The following ABAT variants were observed in gnomAD, a reference collection of about 807,000 sequenced individuals.
The protein encoded by ABAT is 4-aminobutyrate aminotransferase, mitochondrial.
A neutral mutation model predicts 64.6 loss-of-function variants in ABAT; 45 were observed. The ratio of observed to expected loss-of-function variants is 0.70; its 90% CI spans 0.55 to 0.89. The LOEUF (loss-of-function observed/expected upper bound fraction) is 0.89. Among genes scored for constraint, ABAT ranks in the 40% least tolerant of loss-of-function variants. The pLI is 0.00. For synonymous variants in ABAT, 297 were observed against 250.5 expected (o/e 1.19, Z -1.75); for missense variants, 633 against 658.4 (o/e 0.96, Z 0.42).
chr16:8,758,651 G>A (rs1299247668), intron 6 of ABAT, among the ~76,000 whole-genome samples: 1 of 152,170 alleles, frequency 6.6e-6, no homozygotes, highest in Non-Finnish European at 1.5e-5. Flanking sequence ...CTAAATGCCA[G>A]TAGCAACTCT....
chr16:8,711,148 A>G (rs967762909), intron 1 of ABAT, among the ~76,000 whole-genome samples: 6 of 152,186 alleles, frequency 3.9e-5, no homozygotes, highest in Non-Finnish European at 7.3e-5. Flanking sequence ...ACAGATTTTG[A>G]CAAATTGCTC....
intron 11 of ABAT, among the ~76,000 whole-genome samples, chr16:8,769,245 ACT>A (rs1013102875): frequency 3.3e-5 from 5 of 152,110 alleles, no homozygotes; most frequent in African/African-American, 4.8e-5. Flanking sequence ...AGAGTCAATG[ACT>A]CTAAAATAAG....
chr16:8,774,826 G>A (rs2142996647), intron 12 of ABAT, 64 bp from the exon 13 acceptor site: 1 of 1,601,882 alleles, frequency 6.2e-7, no homozygotes. Context: ...GCTGGCTATG[G>A]AGGGCATGAA....
intron 2 of ABAT, among the ~76,000 whole-genome samples, chr16:8,741,151 G>C (rs1302049895): frequency 6.6e-6 from 1 of 152,224 alleles, no homozygotes; most frequent in Non-Finnish European, 1.5e-5. Context: ...TATTGTGTCT[G>C]GTCTTGTGTG....
chr16:8,722,737 C>G lies in ABAT; in HGVS notation c.-41-12962C>G, dbSNP rs13338551. The G allele has an allele frequency of 1.5e-4, 170 of 1,123,274 alleles. No individual in the cohort carries two copies. The African/African-American group carries it at 2.5e-3, about 16-fold the overall frequency. The allele number at this position is 1,123,274 out of a possible 1,614,324, so 69.6% of individuals were successfully genotyped here. A position where few individuals can be genotyped will look rare whatever the true frequency, so the allele number is the denominator to read the frequency against. On this transcript the variant is annotated intron_variant, in intron 1 of 15. Coordinates refer to ENST00000268251, the MANE Select transcript of ABAT (RefSeq NM_020686.6). Reference sequence around the variant, plus strand: ...GCTCTGAAAGCACCTCCCTTCTAACCAGGAATCCTTCACCTGCTTCTTTCC... The same window carrying G: ...GCTCTGAAAGCACCTCCCTTCTAACGAGGAATCCTTCACCTGCTTCTTTCC...
chr16:8,773,726 G>A (rs2060188938), intron 12 of ABAT, among the ~76,000 whole-genome samples: 1 of 152,046 alleles, frequency 6.6e-6, no homozygotes, highest in Admixed American at 6.6e-5. Flanking sequence ...AGCCTTGCCA[G>A]CCTCTGATAG....
At chr16:8,739,472 C>A (rs1378050917) in intron 2 of ABAT, among the ~76,000 whole-genome samples, 2 of 152,188 alleles carry the variant, frequency 1.3e-5, no homozygotes, top group South Asian at 2.1e-4. Flanking sequence ...AATACCAACA[C>A]TTTGGGAGGC....
At position 8,768,173 on chromosome 16, in the gene ABAT, C is replaced by T. The variant is rs1240320477; in HGVS notation, c.604-20C>T. The T allele has an allele frequency of 1.9e-6, 3 of 1,612,490 alleles. No homozygotes were observed. The highest frequency in any genetic ancestry group is 2.2e-5 in the South Asian group (2 of 91,052). ...CCATCCTTACAACTATGACTAATGA[C>T]TGATATTTCTTGGTTTTAGGCCCCT... On this transcript the variant is annotated intron_variant, in intron 9 of 15. Coordinates refer to ENST00000268251, the MANE Select transcript of ABAT (RefSeq NM_020686.6).
chr16:8,680,140 C>T (rs2057298283), intron 1 of ABAT, among the ~76,000 whole-genome samples: 1 of 152,154 alleles, frequency 6.6e-6, no homozygotes, highest in Non-Finnish European at 1.5e-5. Flanking sequence ...CTCCTGTCAT[C>T]CACATCCTAG....
chr16:8,720,065 G>A (rs112522839), intron 1 of ABAT, among the ~76,000 whole-genome samples: 5,949 of 152,168 alleles, frequency 0.039, 179 homozygotes, highest in East Asian at 0.11. Flanking sequence ...TGCCTGCCTC[G>A]GCCTCCCAAA....
Position 8,775,077 on chromosome 16 carries a change from C to G in ABAT, c.1122+20C>G. 6.2e-7 allele frequency: 1 copy of G among 1,614,180 alleles called. No homozygotes were observed. The highest frequency in any genetic ancestry group is 1.1e-5 in the South Asian group (1 of 91,086). On this transcript the variant is annotated intron_variant, in intron 13 of 15. Transcript: ENST00000268251. ...AATGCTGTGAGTTGGAGCCAACCTTCTCTCTACATCCAGGGCAGAGAAGGG... is the reference window on the plus strand; with the variant it reads ...AATGCTGTGAGTTGGAGCCAACCTTGTCTCTACATCCAGGGCAGAGAAGGG...
chr16:8,717,809 C>T (rs1370450997), intron 1 of ABAT, among the ~76,000 whole-genome samples: 1 of 151,814 alleles, frequency 6.6e-6, no homozygotes, highest in Non-Finnish European at 1.5e-5. Context: ...AAATTAAAAT[C>T]CCAAATCACC....
chr16:8,753,387 G>A (rs749503598), intron 5 of ABAT, among the ~76,000 whole-genome samples: 5 of 152,094 alleles, frequency 3.3e-5, no homozygotes, highest in Admixed American at 1.3e-4. Flanking sequence ...GAGCCACCGC[G>A]CCTGGCCCTC....
intron 1 of ABAT, among the ~76,000 whole-genome samples, chr16:8,733,133 C>G (rs921562895): frequency 1.3e-5 from 2 of 150,442 alleles, no homozygotes; most frequent in African/African-American, 2.5e-5. Context: ...GCTGACCCCC[C>G]CCCACCTCCC....
chr16:8,780,050 C>T (rs567283184), intron 15 of ABAT, among the ~76,000 whole-genome samples: 1 of 152,236 alleles, frequency 6.6e-6, no homozygotes, highest in African/African-American at 2.4e-5. Context: ...TACCCTAAGT[C>T]TTGACAAACA....
intron 4 of ABAT, among the ~76,000 whole-genome samples, chr16:8,748,600 C>G (rs963922783): frequency 1.3e-5 from 2 of 152,142 alleles, no homozygotes; most frequent in African/African-American, 4.8e-5. Context: ...AATCTTCTCC[C>G]TAGTTGTCCT....
chr16:8,762,059 C>T (rs1407255680), intron 6 of ABAT, among the ~76,000 whole-genome samples: 1 of 151,786 alleles, frequency 6.6e-6, no homozygotes, highest in Non-Finnish European at 1.5e-5. Context: ...AGTGGAGTGG[C>T]TGGATCATAG....
chr16:8,710,920 C>A (rs2058057163), intron 1 of ABAT, among the ~76,000 whole-genome samples: 1 of 152,176 alleles, frequency 6.6e-6, no homozygotes, highest in Non-Finnish European at 1.5e-5. Context: ...TTTATTACAA[C>A]CAGCAACCAA....
chr16:8,725,171 C>A (rs1047584783), intron 1 of ABAT, among the ~76,000 whole-genome samples: 7 of 152,188 alleles, frequency 4.6e-5, no homozygotes, highest in Admixed American at 3.3e-4. Flanking sequence ...CCGTCTCGGC[C>A]TCCCAAAGTG....
Sources: gnomAD v4.1 joint callset for allele counts (sites outside exome capture counted in the v4.1 genomes callset) on GRCh38, gnomAD v4.1.1 for gene constraint, MANE v1.5 for transcripts, NCBI Gene and HGNC (gene_info 2026-07-23, HGNC 2026-07-21) for gene names.